Variants in SMG6 observed in about 807,000 individuals in gnomAD.
SMG6 encodes SMG6 nonsense mediated mRNA decay factor, also known as telomerase-binding protein EST1A.
A neutral mutation model predicts 142.2 loss-of-function variants in SMG6; 66 were observed. The ratio of observed to expected loss-of-function variants is 0.46; its 90% CI spans 0.38 to 0.57. The LOEUF is 0.57. Ranked by LOEUF, SMG6 falls within the 20% of genes least tolerant of loss-of-function variation. The probability of loss-of-function intolerance (pLI) is 0.00; values close to 1 mark genes in which losing one functional copy is unlikely to be tolerated. For synonymous variants in SMG6, 779 were observed against 702.4 expected, an observed-to-expected ratio of 1.11 and a Z score of -1.72; for missense variants, 1,793 against 1,832.0, an observed-to-expected ratio of 0.98 and a Z score of 0.39.
intron 10 of SMG6, among the ~76,000 whole-genome samples, chr17:2,194,428 G>C (rs2072255343): frequency 6.6e-6 from 1 of 152,214 alleles, no homozygotes; most frequent in Non-Finnish European, 1.5e-5. Flanking sequence ...CTTGTTTGAA[G>C]CAAGCGAAAT....
intron 13 of SMG6, among the ~76,000 whole-genome samples, chr17:2,165,348 G>A (rs2071304649): frequency 6.6e-6 from 1 of 151,852 alleles, no homozygotes. Context: ...ACTGTATACA[G>A]AACAGAAAAT....
At chr17:2,213,941 A>C (rs2072937878) in intron 10 of SMG6, 1 of 152,228 alleles carries the variant, frequency 6.6e-6, no homozygotes, top group African/African-American at 2.4e-5. Context: ...TAATAAAATA[A>C]ATTTGTAAAA....
At chr17:2,126,887 T>TAC (rs1597431419) in intron 13 of SMG6, among the ~76,000 whole-genome samples, 2 of 143,256 alleles carry the variant, frequency 1.4e-5, no homozygotes, top group East Asian at 2.0e-4. Flanking sequence ...ACCCTATTTC[T>TAC]ACACACACAC....
rs78720588 is a variant in SMG6 at position 2,061,712 on chromosome 17, G to T, written c.4130-90C>A. Reference sequence around the variant, plus strand: ...TCACCCTGGAGAATGTGGTCCTGGGGAGGGGGTGCCACGCTAGCCGTGTCT... The same window carrying T: ...TCACCCTGGAGAATGTGGTCCTGGGTAGGGGGTGCCACGCTAGCCGTGTCT... On this transcript the variant is annotated intron_variant, in intron 18 of 18. Transcript: ENST00000263073. 6,012 of 1,419,698 alleles carry T rather than the reference G, an allele frequency of 4.2e-3. 63 individuals carry two copies. The highest frequency in any genetic ancestry group is 0.026 in the African/African-American group (1,833 of 70,718). 87.9% of individuals were successfully genotyped at this position (1,419,698 alleles called of 1,614,324 possible). A position where few individuals can be genotyped will look rare whatever the true frequency, so the allele number is the denominator to read the frequency against.
At chr17:2,145,525 C>T (rs553306049) in intron 13 of SMG6, among the ~76,000 whole-genome samples, 136 of 149,740 alleles carry the variant, frequency 9.1e-4, no homozygotes, top group African/African-American at 3.2e-3. Flanking sequence ...TTCTAAAAAC[C>T]TCATGTAGGG....
chr17:2,290,439 C>T (rs2075005666), intron 6 of SMG6, among the ~76,000 whole-genome samples: 1 of 152,240 alleles, frequency 6.6e-6, no homozygotes, highest in South Asian at 2.1e-4. Context: ...ACGAGCCTTA[C>T]ACTTTTCACA....
intron 10 of SMG6, among the ~76,000 whole-genome samples, chr17:2,212,226 GAACT>G (rs1246400574): frequency 6.6e-6 from 1 of 152,072 alleles, no homozygotes; most frequent in African/African-American, 2.4e-5. Flanking sequence ...GAAAAGGCTG[GAACT>G]AACTAAAACA....
chr17:2,115,816 C>T (rs1257402481), intron 13 of SMG6, among the ~76,000 whole-genome samples: 1 of 151,888 alleles, frequency 6.6e-6, no homozygotes, highest in Admixed American at 6.6e-5. Flanking sequence ...CTCGAACTCC[C>T]GGGTCCAAGC....
intron 4 of SMG6, among the ~76,000 whole-genome samples, chr17:2,297,010 G>GAAAAAAAAAAAAAAAAAAAA (rs374673133): frequency 4.9e-5 from 3 of 60,858 alleles, no homozygotes; most frequent in Non-Finnish European, 6.9e-5. Context: ...CTCAAAAAAT[G>GAAAAAAAAAAAAAAAAAAAA]AAAAAAAAAA....
chr17:2,102,883 C>T (rs1310931911), intron 13 of SMG6, among the ~76,000 whole-genome samples: 1 of 152,186 alleles, frequency 6.6e-6, no homozygotes, highest in African/African-American at 2.4e-5. Flanking sequence ...TAAGTGAGAA[C>T]ATATGGTATG....
intron 9 of SMG6, among the ~76,000 whole-genome samples, chr17:2,242,110 G>C (rs2073816171): frequency 6.6e-6 from 1 of 151,966 alleles, no homozygotes; most frequent in African/African-American, 2.4e-5. Flanking sequence ...TCCTGACTTA[G>C]GGCAACATGG....
intron 12 of SMG6, among the ~76,000 whole-genome samples, chr17:2,186,285 GA>G (rs1461548697): frequency 6.7e-6 from 1 of 148,858 alleles, no homozygotes; most frequent in Non-Finnish European, 1.5e-5. Flanking sequence ...AAGATGCACA[GA>G]AAAACTAATA....
intron 16 of SMG6, among the ~76,000 whole-genome samples, chr17:2,066,444 T>A (rs1293738262): frequency 6.6e-5 from 10 of 151,782 alleles, no homozygotes; most frequent in Non-Finnish European, 1.5e-4. Flanking sequence ...CTGGTGAAGA[T>A]TCTTTCCAAA....
At chr17:2,202,244 G>A (rs932982128) in intron 10 of SMG6, among the ~76,000 whole-genome samples, 4 of 152,104 alleles carry the variant, frequency 2.6e-5, no homozygotes, top group African/African-American at 9.7e-5. Context: ...ACAATAAAAA[G>A]GAATAAACTA....
At chr17:2,193,962 C>T (rs1434939408) in intron 10 of SMG6, among the ~76,000 whole-genome samples, 1 of 152,216 alleles carries the variant, frequency 6.6e-6, no homozygotes, top group Non-Finnish European at 1.5e-5. Context: ...TCCCAAGTAG[C>T]TGGGATTAGA....
chr17:2,198,419 T>C (rs1478293149), intron 10 of SMG6, among the ~76,000 whole-genome samples: 3 of 152,194 alleles, frequency 2.0e-5, no homozygotes, highest in Non-Finnish European at 2.9e-5. Flanking sequence ...ATCTTGATTA[T>C]AGTAATAGTT....
chr17:2,211,056 T>C (rs2072840198), intron 10 of SMG6, among the ~76,000 whole-genome samples: 1 of 148,020 alleles, frequency 6.8e-6, no homozygotes, highest in Non-Finnish European at 1.5e-5. Flanking sequence ...GTCAAACCGA[T>C]GGACTTTCAA....
intron 6 of SMG6, among the ~76,000 whole-genome samples, chr17:2,290,278 A>G (rs1339123417): frequency 6.6e-6 from 1 of 152,246 alleles, no homozygotes; most frequent in Non-Finnish European, 1.5e-5. Flanking sequence ...ACAGAGAAAT[A>G]GATGAACAGA....
In SMG6 at chr17:2,085,093, C is replaced by T. The variant is rs182269050; in HGVS notation, c.3534+632G>A. On this transcript the variant is annotated intron_variant, in intron 14 of 18. Coordinates refer to ENST00000263073, the MANE Select transcript of SMG6 (RefSeq NM_017575.5). The surrounding 1 kb of genome is among the most constrained non-coding windows in gnomAD (Gnocchi z 4.1). The stretch of plus-strand genomic sequence containing the variant: ...AACTGCCAGTGGACTATTGCAGGGG[C>T]GGGTACACAGGCTCATGCATGTGCA... 9.2e-5 allele frequency among the ~76,000 whole-genome samples: 14 copies of T among 152,248 alleles called. No individual in the cohort carries two copies. The highest frequency in any genetic ancestry group is 2.6e-4 in the African/African-American group (11 of 41,542).
Sources: gnomAD v4.1 joint callset for allele counts (sites outside exome capture counted in the v4.1 genomes callset) on GRCh38, gnomAD v4.1.1 for gene constraint, Gnocchi (gnomAD v3.1) non-coding constraint, MANE v1.5 for transcripts, NCBI Gene and HGNC (gene_info 2026-07-23, HGNC 2026-07-21) for gene names.